DPH6: variants seen among roughly 807,000 people sequenced by gnomAD.
The protein encoded by DPH6 is diphthine--ammonia ligase.
Under a neutral mutation model 38.2 loss-of-function variants are expected in DPH6, and 33 were observed. The observed-to-expected ratio is 0.86, with a 90% CI of 0.65 to 1.15. DPH6 has a LOEUF of 1.15. Among genes scored for constraint, DPH6 ranks in the 50% most tolerant of loss-of-function variants. The pLI, the probability that DPH6 is intolerant of heterozygous loss-of-function variation, is 0.00. For synonymous variants in DPH6, 108 were observed against 103.0 expected, an observed-to-expected ratio of 1.05 and a Z score of -0.30; for missense variants, 325 against 320.0, an observed-to-expected ratio of 1.02 and a Z score of -0.12.
At chr15:35,485,000 G>GA (rs927646977) in intron 3 of DPH6, among the ~76,000 whole-genome samples, 13 of 150,916 alleles carry the variant, frequency 8.6e-5, no homozygotes, top group Middle Eastern at 3.4e-3. Flanking sequence ...GTCACTAAAT[G>GA]AAAAAAAAAT....
At chr15:35,322,449 T>C (rs903219028) in intron 3 of DPH6, among the ~76,000 whole-genome samples, 9 of 152,342 alleles carry the variant, frequency 5.9e-5, no homozygotes, top group Non-Finnish European at 1.3e-4. Context: ...AGAAGCAAAA[T>C]GGAGTCAACT....
chr15:35,411,480 ACT>A, intron 5 of DPH6, among the ~76,000 whole-genome samples: 1 of 151,704 alleles, frequency 6.6e-6, no homozygotes, highest in East Asian at 1.9e-4. Flanking sequence ...GATAGAGACA[ACT>A]CTGAAAAATC....
chr15:35,183,871 T>G, the DPH6 span, among the ~76,000 whole-genome samples: 1 of 152,254 alleles, frequency 6.6e-6, no homozygotes, highest in East Asian at 1.9e-4. Context: ...AAGATGCCTA[T>G]ATATGTCAAT....
chr15:35,544,440 A>G (rs1419109753), intron 1 of DPH6, among the ~76,000 whole-genome samples: 1 of 152,154 alleles, frequency 6.6e-6, no homozygotes, highest in Admixed American at 6.5e-5. Context: ...ACCGTGGCAC[A>G]TGTATACCTA....
chr15:35,432,864 G>A (rs762705053), intron 5 of DPH6, among the ~76,000 whole-genome samples: 24 of 152,138 alleles, frequency 1.6e-4, no homozygotes, highest in Admixed American at 2.6e-4. Context: ...CTTGAGGGTG[G>A]AGGTTAGGAG....
rs79766688 is a variant in DPH6, at chr15:35,505,380, G to A, written c.312+32894C>T. Among the ~76,000 whole-genome samples the A allele has an allele frequency of 3.1e-3, 472 of 152,152 alleles. 3 individuals carry two copies. In the East Asian group the frequency reaches 0.035, roughly 11 times the overall value. ...TACACACTTTACAAAATAAGATGAT[G>A]AGAGGAATGCAAAGCAGCACAGAAG... On this transcript the variant is annotated intron_variant, in intron 3 of 8. Transcript: ENST00000256538.
At chr15:35,319,374 T>C (rs563394437) in intron 3 of DPH6, among the ~76,000 whole-genome samples, 88 of 152,304 alleles carry the variant, frequency 5.8e-4, no homozygotes, top group African/African-American at 2.0e-3. Flanking sequence ...AGGTGATCAA[T>C]TGAACTTAAG....
the DPH6 span, among the ~76,000 whole-genome samples, chr15:35,209,775 C>T: frequency 4.1e-4 from 62 of 152,256 alleles, 1 homozygote; most frequent in Middle Eastern, 3.4e-3. Context: ...CAGCCAATTA[C>T]GAGGCAGAAC....
At chr15:35,199,898 A>C in the DPH6 span, among the ~76,000 whole-genome samples, 416 of 152,140 alleles carry the variant, frequency 2.7e-3, 2 homozygotes, top group African/African-American at 9.5e-3. Flanking sequence ...AGCATCCAAA[A>C]TTGTGATGTC....
At chr15:35,543,733 C>T (rs1324325123) in intron 1 of DPH6, among the ~76,000 whole-genome samples, 2 of 152,120 alleles carry the variant, frequency 1.3e-5, no homozygotes, top group African/African-American at 4.8e-5. Flanking sequence ...AAGGAGAGCA[C>T]AAGGGCCAAA....
intron 3 of DPH6, among the ~76,000 whole-genome samples, chr15:35,271,639 T>C (rs2051823288): frequency 6.6e-6 from 1 of 152,224 alleles, no homozygotes; most frequent in Non-Finnish European, 1.5e-5. Context: ...TCAGGCACTA[T>C]GCAGGGCAAA....
At chr15:35,239,681 A>C (rs1258444514) in intron 3 of DPH6, among the ~76,000 whole-genome samples, 1 of 137,650 alleles carries the variant, frequency 7.3e-6, no homozygotes, top group African/African-American at 2.7e-5. Flanking sequence ...GTACCCCTCA[A>C]CCCCTTCTCC....
In DPH6 at chr15:35,538,377, T is replaced by C. The variant is rs1183083757; in HGVS notation, c.209A>G (p.Tyr70Cys). Residue 70 changes from tyrosine to cysteine, a missense_variant, in exon 3 of 9, where the codon TAT (tyrosine) becomes TGT (cysteine). Transcript: ENST00000256538. ...GCTCCTTCCTCTTATGGTTCGGCGA[T>C]AGAGGGGAAGAGCCATTGCTTCTGC... ...LYAEAMALPL[Y>C]RRTIRGRSLD... The C allele has an allele frequency of 3.7e-6, 6 of 1,611,686 alleles. No individual in the cohort carries two copies. Among genetic ancestry groups the C allele is most frequent in the South Asian group, 1.1e-5 (1 of 90,808 alleles).
chr15:35,237,920 G>C (rs146853784), intron 3 of DPH6: 5 of 1,396,160 alleles, frequency 3.6e-6, no homozygotes, highest in African/African-American at 1.4e-5. Flanking sequence ...AGAGGAGGAC[G>C]TGAGTGGAGA....
downstream of DPH6, among the ~76,000 whole-genome samples, chr15:35,326,428 A>C (rs2052282698): frequency 6.6e-6 from 1 of 151,086 alleles, no homozygotes; most frequent in Non-Finnish European, 1.5e-5. Flanking sequence ...AATCTTTTAA[A>C]ATTTAAAAAG....
At chr15:35,213,308 T>G (rs560761201), downstream of DPH6, among the ~76,000 whole-genome samples, 1 of 152,242 alleles carries the variant, frequency 6.6e-6, no homozygotes, top group Non-Finnish European at 1.5e-5. Context: ...AACATCAAAT[T>G]ATCAAATGAG....
intron 5 of DPH6, among the ~76,000 whole-genome samples, chr15:35,423,165 T>C (rs2053527046): frequency 6.6e-6 from 1 of 151,950 alleles, no homozygotes; most frequent in African/African-American, 2.4e-5. Context: ...TGTACCAATT[T>C]ACATTCCCAC....
chr15:35,408,263 A>G (rs564779177), intron 6 of DPH6, among the ~76,000 whole-genome samples: 2 of 152,178 alleles, frequency 1.3e-5, no homozygotes, highest in South Asian at 2.1e-4. Context: ...ACACAAATAC[A>G]GTAGAATATA....
At chr15:35,483,087 C>A (rs948254469) in intron 3 of DPH6, among the ~76,000 whole-genome samples, 1 of 151,856 alleles carries the variant, frequency 6.6e-6, no homozygotes, top group Non-Finnish European at 1.5e-5. Context: ...TTTCACTAGA[C>A]GCTCCACCAA....
Sources: allele counts gnomAD v4.1 joint callset (sites outside exome capture counted in the v4.1 genomes callset), GRCh38; gene constraint gnomAD v4.1.1; transcripts MANE v1.5; gene names NCBI Gene and HGNC (gene_info 2026-07-23, HGNC 2026-07-21).